The following CLCA2 variants were observed in gnomAD, a reference collection of about 807,000 sequenced individuals.
CLCA2 encodes calcium-activated chloride channel regulator 2.
CLCA2 carries 85 observed loss-of-function variants against 82.9 expected under a neutral mutation model. That is an observed-to-expected ratio of 1.03 (90% CI 0.86 to 1.23). The LOEUF is 1.23. CLCA2 is among the 50% of genes most tolerant of loss of function. The pLI is 0.00. For missense variants in CLCA2, 1,089 were observed against 1,124.8 expected (o/e 0.97, Z 0.45); for synonymous variants, 421 against 391.7 (o/e 1.07, Z -0.88).
At position 86,434,629 on chromosome 1, in the gene CLCA2, C is replaced by T. The variant is rs745943523; in HGVS notation, c.856C>T (p.His286Tyr). The T allele has an allele frequency of 1.6e-5, 26 of 1,613,986 alleles. No homozygotes were observed. The Admixed American group carries it at 4.2e-4, about 26-fold the overall frequency. The change falls in exon 6 of 14, where the codon CAC becomes TAC. Residue 286 changes from histidine to tyrosine, a missense_variant. Physicochemically the swap from His to Tyr is moderately conservative, Grantham distance 83. Coordinates refer to ENST00000370565, the MANE Select transcript of CLCA2 (RefSeq NM_006536.7). ...TGTAATCACAGACTCTGCTGACTTT[C>T]ACCACAGCTTTCCCATGAATGGGAC... The part of the protein sequence containing the change: ...WDVITDSADF[H>Y]HSFPMNGTEL...
chr1:86,444,687 G>T (rs1160035712), intron 10 of CLCA2, among the ~76,000 whole-genome samples: 1 of 152,174 alleles, frequency 6.6e-6, no homozygotes, highest in Non-Finnish European at 1.5e-5. Flanking sequence ...AAGGAGAGGG[G>T]AGTAGTGAGG....
intron 11 of CLCA2, chr1:86,448,478 A>C (rs1662899952): frequency 6.6e-6 from 1 of 152,274 alleles, no homozygotes. Flanking sequence ...GGTAAACAGC[A>C]GCACTTGGGA....
intron 6 of CLCA2, 65 bp from the exon 7 acceptor site, chr1:86,438,811 A>T: frequency 7.7e-7 from 1 of 1,305,294 alleles, no homozygotes; most frequent in Non-Finnish European, 1.1e-6. Flanking sequence ...TAATTGAGTT[A>T]CTTCATCATA....
At chr1:86,436,102 T>G (rs1662604689) in intron 6 of CLCA2, among the ~76,000 whole-genome samples, 1 of 152,244 alleles carries the variant, frequency 6.6e-6, no homozygotes, top group Non-Finnish European at 1.5e-5. Flanking sequence ...AACAGAGAAC[T>G]TAATGGCCAG....
At chr1:86,449,067 G>A (rs144368984) in intron 11 of CLCA2, among the ~76,000 whole-genome samples, 3 of 152,258 alleles carry the variant, frequency 2.0e-5, no homozygotes, top group South Asian at 2.1e-4. Context: ...TACTGCTCAG[G>A]CATCAAAATG....
At chr1:86,426,076 G>C (rs1036052454) in intron 2 of CLCA2, among the ~76,000 whole-genome samples, 2 of 152,040 alleles carry the variant, frequency 1.3e-5, no homozygotes, top group Non-Finnish European at 2.9e-5. Flanking sequence ...ACCTTGAAAG[G>C]CTCTCATAAG....
chr1:86,437,108 A>G (rs1279745125), intron 6 of CLCA2, among the ~76,000 whole-genome samples: 1 of 152,218 alleles, frequency 6.6e-6, no homozygotes, highest in Admixed American at 6.5e-5. Context: ...AGATGATGGT[A>G]CTTGAGAGTA....
chr1:86,447,477 A>T (rs1662874944), intron 10 of CLCA2, 31 bp from the exon 11 acceptor site: 1 of 1,574,128 alleles, frequency 6.4e-7, no homozygotes, highest in Non-Finnish European at 8.6e-7. Context: ...TTTTTTTCAC[A>T]CTTTCCAAAA....
chr1:86,450,792 G>T, intron 12 of CLCA2, 59 bp downstream of exon 12: 1 of 1,424,894 alleles, frequency 7.0e-7, no homozygotes, highest in East Asian at 2.4e-5. Context: ...ATCTCTGATG[G>T]GTATGTGTGT....
rs34559750 is a variant in CLCA2 at position 86,424,283 on chromosome 1, C to T, written c.36C>T (p.Asn12=). 1.3e-3 allele frequency: 2,072 copies of T among 1,613,670 alleles called. 17 individuals carry two copies. The African/African-American group carries it at 0.025, about 19-fold the overall frequency. Residue 12 remains asparagine, a synonymous_variant, in exon 1 of 14, where the codon AAC becomes AAT. Transcript: ENST00000370565. ...GGAGCATTGCAGGTCCTATTTGCAA[C>T]CTGAAGTTTGTGACTCTCCTGGTTG... ...TQRSIAGPIC[N]LKFVTLLVAL... is the part of the protein sequence containing the mutation.
intron 1 of CLCA2, 111 bp from the exon 2 acceptor site, chr1:86,425,228 G>T: frequency 2.9e-6 from 2 of 678,194 alleles, no homozygotes; most frequent in East Asian, 3.3e-5. Context: ...AAAAGAAATG[G>T]GTCTCTTCAA....
intron 2 of CLCA2, among the ~76,000 whole-genome samples, chr1:86,427,575 A>ACAC (rs1558100286): frequency 1.7e-4 from 22 of 127,546 alleles, no homozygotes; most frequent in African/African-American, 6.5e-4. Context: ...CACACACACA[A>ACAC]AACACATATA....
At chr1:86,426,707 T>C (rs1334143) in intron 2 of CLCA2, among the ~76,000 whole-genome samples, 95,803 of 152,014 alleles carry the variant, frequency 0.63, 30,554 homozygotes, top group Non-Finnish European at 0.69. Flanking sequence ...TTGTCCCAAA[T>C]CTAACAGCTA....
chr1:86,438,295 C>T lies in CLCA2; in HGVS notation c.973-581C>T, dbSNP rs527284153. Among the ~76,000 whole-genome samples the T allele has an allele frequency of 1.4e-3, 213 of 152,334 alleles. 2 individuals are homozygous for T. The highest frequency in any genetic ancestry group is 2.2e-3 in the Admixed American group (33 of 15,302). ...AAAACTGGTCACTAATATTACTTTACACCTGGTTAGCCCTTCATGGTATAA... is the reference window on the plus strand; with the variant it reads ...AAAACTGGTCACTAATATTACTTTATACCTGGTTAGCCCTTCATGGTATAA... On this transcript the variant is annotated intron_variant, in intron 6 of 13. Coordinates refer to ENST00000370565, the MANE Select transcript of CLCA2 (RefSeq NM_006536.7).
chr1:86,444,999 C>T (rs547415952), intron 10 of CLCA2, among the ~76,000 whole-genome samples: 2 of 152,176 alleles, frequency 1.3e-5, no homozygotes, highest in Non-Finnish European at 2.9e-5. Context: ...CAGGTTCAAG[C>T]GATTCTCCTG....
chr1:86,436,033 T>C (rs982557910), intron 6 of CLCA2, among the ~76,000 whole-genome samples: 5 of 152,218 alleles, frequency 3.3e-5, no homozygotes, highest in Non-Finnish European at 7.3e-5. Context: ...GCAATGCTCA[T>C]TTGTCAACAT....
In CLCA2 at chr1:86,447,746, C is replaced by T; in HGVS notation, c.1952C>T (p.Pro651Leu). The change falls in exon 11 of 14, where the codon CCT becomes CTT. Residue 651 changes from proline (P) to leucine (L), a missense_variant. Pro to Leu is a moderately conservative substitution (Grantham distance 98). Coordinates refer to ENST00000370565, the MANE Select transcript of CLCA2 (RefSeq NM_006536.7). ...TATVEPETGDPVTLRLLDDGA... is the reference protein window; with the variant it reads ...TATVEPETGDLVTLRLLDDGA... ...ACAGTTGAGCCAGAGACTGGAGATC[C>T]TGTTACGCTGAGACTCCTTGATGAT... 2 of 1,613,582 alleles carry T rather than the reference C, an allele frequency of 1.2e-6. No individual in the cohort carries two copies. Among genetic ancestry groups the T allele is most frequent in the Non-Finnish European group, 1.7e-6 (2 of 1,179,976 alleles).
At chr1:86,432,286 G>C in intron 4 of CLCA2, 83 bp from the exon 5 acceptor site, 3 of 1,511,332 alleles carry the variant, frequency 2.0e-6, no homozygotes, top group Non-Finnish European at 1.8e-6. Flanking sequence ...TACAATCCTT[G>C]TAATAATTAT....
intron 2 of CLCA2, among the ~76,000 whole-genome samples, chr1:86,426,907 G>A (rs1220145707): frequency 6.6e-6 from 1 of 152,162 alleles, no homozygotes; most frequent in Non-Finnish European, 1.5e-5. Flanking sequence ...TCCTAATGGA[G>A]GGGAGAGAAA....
Sources: gnomAD v4.1 joint callset for allele counts (sites outside exome capture counted in the v4.1 genomes callset) on GRCh38, gnomAD v4.1.1 for gene constraint, MANE v1.5 for transcripts, NCBI Gene and HGNC (gene_info 2026-07-23, HGNC 2026-07-21) for gene names.